WHRN: variants seen among roughly 807,000 people sequenced by gnomAD.
WHRN encodes the protein whirlin, also known as CASK-interacting protein CIP98.
WHRN carries 41 observed loss-of-function variants against 68.3 expected under a neutral mutation model. The ratio of observed to expected loss-of-function variants is 0.60; its 90% CI spans 0.47 to 0.78. The LOEUF (loss-of-function observed/expected upper bound fraction) is 0.78, where lower values mean the gene tolerates loss of function less well. Ranked by LOEUF, WHRN falls within the 30% of genes least tolerant of loss-of-function variation. The probability of loss-of-function intolerance (pLI) is 0.00; values close to 1 mark genes in which losing one functional copy is unlikely to be tolerated. For missense variants in WHRN, 1,243 were observed against 1,244.7 expected, an observed-to-expected ratio of 1.00 and a Z score of 0.02; for synonymous variants, 560 against 561.3, an observed-to-expected ratio of 1.00 and a Z score of 0.03.
At chr9:114,504,141 T>C (rs1844176682) in intron 1 of WHRN, 43 bp downstream of exon 1, 2 of 1,613,212 alleles carry the variant, frequency 1.2e-6, no homozygotes, top group African/African-American at 2.7e-5. Context: ...TGTGCCACTC[T>C]GTCCATACTC....
chr9:114,466,782 G>T (rs984179386), intron 2 of WHRN, among the ~76,000 whole-genome samples: 20 of 152,220 alleles, frequency 1.3e-4, no homozygotes, highest in African/African-American at 4.8e-4. Context: ...GCGCCCCGGG[G>T]TCTCAATTAG....
intron 3 of WHRN, among the ~76,000 whole-genome samples, chr9:114,455,377 A>G (rs1589170559): frequency 2.6e-5 from 4 of 152,080 alleles, no homozygotes; most frequent in African/African-American, 9.7e-5. Flanking sequence ...ACCATGCCTG[A>G]AAAGATGAAA....
At chr9:114,452,329 C>T (rs936132659) in intron 3 of WHRN, among the ~76,000 whole-genome samples, 2 of 152,176 alleles carry the variant, frequency 1.3e-5, no homozygotes, top group South Asian at 2.1e-4. Context: ...GGCAGAGAAC[C>T]GGGCAGAAGT....
In WHRN at chr9:114,504,689, T is replaced by G. The variant is rs781494777; in HGVS notation, c.113A>C (p.Asn38Thr). 6.3e-7 allele frequency: 1 copy of G among 1,591,968 alleles called. No individual in the cohort carries two copies. The highest frequency in any genetic ancestry group is 1.3e-5 in the African/African-American group (1 of 74,280). The part of the protein sequence containing the change: ...GGAGLRLLSA[N>T]VRQLHQALTA... ...CAGCGCTTGGTGCAGCTGGCGCACGTTGGCAGACAGTAACCGCAGCCCCGC... is the reference window on the plus strand; with the variant it reads ...CAGCGCTTGGTGCAGCTGGCGCACGGTGGCAGACAGTAACCGCAGCCCCGC... Residue 38 changes from asparagine to threonine, a missense_variant, in exon 1 of 12, where the codon AAC (asparagine) becomes ACC (threonine). Coordinates refer to ENST00000362057, the MANE Select transcript of WHRN (RefSeq NM_015404.4).
chr9:114,504,203 G>A lies in WHRN; in HGVS notation c.599C>T (p.Thr200Ile), dbSNP rs765757659. The A allele has an allele frequency of 3.7e-6, 6 of 1,614,032 alleles. No individual in the cohort carries two copies. The highest frequency in any genetic ancestry group is 1.6e-4 in the Middle Eastern group (1 of 6,084). Residue 200 changes from threonine to isoleucine, a missense_variant, in exon 1 of 12, where the codon ACC becomes ATC. By Grantham distance (89) the Thr-to-Ile change is moderately conservative. Transcript: ENST00000362057. The part of the protein sequence containing the change: ...RVNDKSLARV[T>I]HAEAVKALKG... ...CCTTACCTTGACGGCCTCCGCGTGG[G>A]TCACCCGGGCCAGGGATTTGTCGTT... is the stretch of plus-strand genomic sequence containing the variant.
chr9:114,419,343 A>C (rs1284121385), intron 7 of WHRN, among the ~76,000 whole-genome samples: 1 of 152,212 alleles, frequency 6.6e-6, no homozygotes, highest in Non-Finnish European at 1.5e-5. Context: ...AACATTCAAC[A>C]AATCTCAGCC....
At chr9:114,435,131 C>G (rs1837739863) in intron 3 of WHRN, among the ~76,000 whole-genome samples, 1 of 152,174 alleles carries the variant, frequency 6.6e-6, no homozygotes, top group Admixed American at 6.5e-5. Flanking sequence ...CACTAATCCC[C>G]CTCGCCCAGG....
chr9:114,486,957 GTGTATATATATATATA>G (rs1383933426), intron 1 of WHRN, among the ~76,000 whole-genome samples: 11 of 2,884 alleles, frequency 3.8e-3, no homozygotes, highest in African/African-American at 4.9e-3. Flanking sequence ...GTGTGTGTGT[GTGTATATATATATATA>G]TATATATATA....
At chr9:114,429,221 G>A (rs554540371) in intron 3 of WHRN, among the ~76,000 whole-genome samples, 7 of 152,188 alleles carry the variant, frequency 4.6e-5, no homozygotes, top group East Asian at 1.9e-4. Context: ...GTGAGCCACC[G>A]CGCCCCGCCA....
chr9:114,501,551 T>TACACACACAC (rs59195050), intron 1 of WHRN, among the ~76,000 whole-genome samples: 2,978 of 144,920 alleles, frequency 0.021, 52 homozygotes, highest in East Asian at 0.039. Flanking sequence ...TAATTTTTAT[T>TACACACACAC]ACACACACAC....
intron 2 of WHRN, among the ~76,000 whole-genome samples, chr9:114,468,633 A>C (rs1278701512): frequency 6.6e-6 from 1 of 152,020 alleles, no homozygotes; most frequent in Non-Finnish European, 1.5e-5. Flanking sequence ...TTAGTCCAGG[A>C]CCAGCCCCAG....
rs953820332 is a variant in WHRN, at chr9:114,458,625, C to A, written c.963+7642G>T. On this transcript the variant is annotated intron_variant, in intron 3 of 11. Coordinates refer to ENST00000362057, the MANE Select transcript of WHRN (RefSeq NM_015404.4). ...TGTCCCTCCCTGGGTGCCCCAGGGC[C>A]CAGTGAGTCTTTCCTGTTGTTGGAG... is the stretch of plus-strand genomic sequence containing the variant. Among the ~76,000 whole-genome samples the A allele has an allele frequency of 3.3e-5, 5 of 152,080 alleles. No individual in the cohort carries two copies. In the South Asian group the frequency reaches 1.0e-3, roughly 32 times the overall value.
intron 2 of WHRN, among the ~76,000 whole-genome samples, chr9:114,474,150 A>C (rs1183210842): frequency 6.6e-6 from 1 of 152,184 alleles, no homozygotes; most frequent in East Asian, 1.9e-4. Flanking sequence ...CTCATCCTGA[A>C]TATGCACACA....
chr9:114,459,117 T>C (rs148132345), intron 3 of WHRN, among the ~76,000 whole-genome samples: 65 of 152,276 alleles, frequency 4.3e-4, no homozygotes, highest in Non-Finnish European at 7.8e-4. Context: ...AGCCATGATC[T>C]GGGAGAAGAG....
chr9:114,466,772 G>A (rs550059311), intron 2 of WHRN, among the ~76,000 whole-genome samples: 19 of 152,194 alleles, frequency 1.2e-4, no homozygotes, highest in Admixed American at 5.2e-4. Flanking sequence ...GTGACTGTTC[G>A]CGCCCCGGGG....
chr9:114,463,602 G>T (rs1220314637), intron 3 of WHRN, among the ~76,000 whole-genome samples: 7 of 152,136 alleles, frequency 4.6e-5, no homozygotes, highest in Non-Finnish European at 8.8e-5. Context: ...ATATACCACG[G>T]TTATACATGA....
chr9:114,479,432 T>C (rs1841927852), intron 1 of WHRN, among the ~76,000 whole-genome samples: 1 of 152,220 alleles, frequency 6.6e-6, no homozygotes, highest in Non-Finnish European at 1.5e-5. Flanking sequence ...GTGATCATTC[T>C]GCTCTGTATC....
At chr9:114,501,868 G>T (rs77308513) in intron 1 of WHRN, among the ~76,000 whole-genome samples, 1 of 152,124 alleles carries the variant, frequency 6.6e-6, no homozygotes, top group South Asian at 2.1e-4. Context: ...CCTGGTTAAG[G>T]GCAGTCTGTG....
At chr9:114,457,932 G>C (rs1329973658) in intron 3 of WHRN, among the ~76,000 whole-genome samples, 1 of 141,438 alleles carries the variant, frequency 7.1e-6, no homozygotes, top group Non-Finnish European at 1.5e-5. Flanking sequence ...AAAAAAAAAA[G>C]TGGGCATGAG....
Sources: allele counts gnomAD v4.1 joint callset (sites outside exome capture counted in the v4.1 genomes callset), GRCh38; gene constraint gnomAD v4.1.1; transcripts MANE v1.5; gene names NCBI Gene and HGNC (gene_info 2026-07-23, HGNC 2026-07-21).